POU6F2: variants seen among roughly 807,000 people sequenced by gnomAD.
POU6F2 encodes the protein POU class 6 homeobox 2.
POU6F2 carries 31 observed loss-of-function variants against 71.3 expected under a neutral mutation model. The observed-to-expected ratio is 0.43, with a 90% CI of 0.33 to 0.59. POU6F2 has a LOEUF of 0.59. Among genes scored for constraint, POU6F2 ranks in the 20% least tolerant of loss-of-function variants. The pLI, the probability that POU6F2 is intolerant of heterozygous loss-of-function variation, is 0.04. For missense variants in POU6F2, 783 were observed against 856.8 expected (o/e 0.91, Z 1.07); for synonymous variants, 347 against 355.7 (o/e 0.98, Z 0.27).
At chr7:39,096,180 A>T (rs1030135106) in intron 2 of POU6F2, among the ~76,000 whole-genome samples, 5 of 152,166 alleles carry the variant, frequency 3.3e-5, no homozygotes, top group African/African-American at 4.8e-5. Context: ...GGGCTTTTTA[A>T]AATACTTCCA....
intron 5 of POU6F2, among the ~76,000 whole-genome samples, chr7:39,399,866 AAAAAAGAAAG>A (rs1346455933): frequency 8.0e-6 from 1 of 124,410 alleles, no homozygotes; most frequent in Non-Finnish European, 1.7e-5. Context: ...GTAACAAAAA[AAAAAAGAAAG>A]AAAGAAAGAA....
chr7:39,354,978 A>C (rs566501721), intron 5 of POU6F2, among the ~76,000 whole-genome samples: 1 of 152,336 alleles, frequency 6.6e-6, no homozygotes, highest in African/African-American at 2.4e-5. Flanking sequence ...CCATTTATTC[A>C]TCACTGGGCC....
rs1785810456 is a variant in POU6F2 at position 39,337,710 on chromosome 7, A to T, written c.599-1932A>T. 2.0e-5 allele frequency among the ~76,000 whole-genome samples: 3 copies of T among 152,182 alleles called. 1 individual carries two copies. In the South Asian group the frequency reaches 6.2e-4, roughly 31 times the overall value. On this transcript the variant is annotated intron_variant, in intron 4 of 9. Transcript: ENST00000518318. ...TTTTTCAGACCCAAGTTACGTTCAT[A>T]TATGCCCCTCCTGCTTTCCTTTGCA...
At chr7:39,338,464 T>C (rs926259627) in intron 4 of POU6F2, among the ~76,000 whole-genome samples, 1 of 152,140 alleles carries the variant, frequency 6.6e-6, no homozygotes, top group African/African-American at 2.4e-5. Flanking sequence ...ACTGCTTGCA[T>C]AGACCTAGAG....
At chr7:39,389,762 T>C (rs1787026084) in intron 5 of POU6F2, among the ~76,000 whole-genome samples, 1 of 152,204 alleles carries the variant, frequency 6.6e-6, no homozygotes, top group Non-Finnish European at 1.5e-5. Context: ...GTTTAACAAT[T>C]ATATTAAGGC....
At chr7:39,427,003 ATTATC>A (rs1420794616) in intron 6 of POU6F2, among the ~76,000 whole-genome samples, 2 of 152,238 alleles carry the variant, frequency 1.3e-5, no homozygotes, top group African/African-American at 4.8e-5. Context: ...ATAATAAGTT[ATTATC>A]TTCTATTCAT....
chr7:39,227,262 CTTTTATTTTCCTT>C lies in POU6F2; in HGVS notation c.598+19647_598+19659del, dbSNP rs372167376. Among the ~76,000 whole-genome samples the C allele has an allele frequency of 6.5e-3, 995 of 152,148 alleles. 8 individuals are homozygous for C. The highest frequency in any genetic ancestry group is 0.023 in the African/African-American group (954 of 41,522). ...TAGGATAGATTGCTTAGAACGTCCTCTTTTATTTTCCTTTTTTTTTCCATCGAGTTTTGTTCTT... is the reference window on the plus strand; with the variant it reads ...TAGGATAGATTGCTTAGAACGTCCTCTTTTTTTCCATCGAGTTTTGTTCTT... On this transcript the variant is annotated intron_variant, in intron 4 of 9. Coordinates refer to ENST00000518318, the MANE Select transcript of POU6F2 (RefSeq NM_001370959.1).
At chr7:39,113,857 G>A (rs1318868635) in intron 2 of POU6F2, among the ~76,000 whole-genome samples, 3 of 152,142 alleles carry the variant, frequency 2.0e-5, no homozygotes, top group African/African-American at 7.2e-5. Flanking sequence ...GGTCACAAGG[G>A]CTGATGGGAG....
intron 1 of POU6F2, among the ~76,000 whole-genome samples, chr7:39,028,116 A>G (rs1789856376): frequency 6.6e-6 from 1 of 151,884 alleles, no homozygotes; most frequent in Admixed American, 6.6e-5. Context: ...TCATATATTT[A>G]TTTGACATTC....
At chr7:39,397,090 G>A (rs961000442) in intron 5 of POU6F2, among the ~76,000 whole-genome samples, 11 of 152,020 alleles carry the variant, frequency 7.2e-5, no homozygotes, top group African/African-American at 2.7e-4. Flanking sequence ...TTTGGCTGCT[G>A]AGTTTTTATG....
chr7:39,192,198 A>G (rs945166088), intron 2 of POU6F2, among the ~76,000 whole-genome samples: 1 of 152,222 alleles, frequency 6.6e-6, no homozygotes, highest in East Asian at 1.9e-4. Context: ...CTCTGGGGGT[A>G]GGTATTTCCT....
intron 2 of POU6F2, among the ~76,000 whole-genome samples, chr7:39,133,803 C>G (rs1792336569): frequency 1.3e-5 from 2 of 152,238 alleles, no homozygotes; most frequent in South Asian, 4.1e-4. Flanking sequence ...CCTGTGTAAG[C>G]TCTACATGGC....
At chr7:39,223,319 G>A (rs561647792) in intron 4 of POU6F2, among the ~76,000 whole-genome samples, 3 of 152,116 alleles carry the variant, frequency 2.0e-5, no homozygotes, top group East Asian at 1.9e-4. Context: ...TCATCATTAC[G>A]GTATTTATAT....
At chr7:39,029,489 T>TTG (rs1789889741) in intron 1 of POU6F2, among the ~76,000 whole-genome samples, 2 of 138,802 alleles carry the variant, frequency 1.4e-5, no homozygotes, top group Admixed American at 7.6e-5. Flanking sequence ...ATAACATTTC[T>TTG]GGGAGGGGGG....
At chr7:39,094,667 T>G (rs1354945696) in intron 2 of POU6F2, among the ~76,000 whole-genome samples, 1 of 152,138 alleles carries the variant, frequency 6.6e-6, no homozygotes, top group Non-Finnish European at 1.5e-5. Flanking sequence ...AAATTAATGA[T>G]TTGGGGTGAC....
At chr7:39,275,250 A>G (rs1199417256) in intron 4 of POU6F2, among the ~76,000 whole-genome samples, 1 of 150,870 alleles carries the variant, frequency 6.6e-6, no homozygotes, top group African/African-American at 2.4e-5. Context: ...ATTCTTACAC[A>G]CCAATAACAG....
intron 4 of POU6F2, among the ~76,000 whole-genome samples, chr7:39,223,543 T>C (rs552263594): frequency 1.3e-5 from 2 of 152,328 alleles, no homozygotes; most frequent in East Asian, 3.9e-4. Context: ...ATTTTCAAGT[T>C]GTGACTTGCT....
At chr7:39,048,482 G>A (rs1016001059) in intron 1 of POU6F2, among the ~76,000 whole-genome samples, 2 of 151,788 alleles carry the variant, frequency 1.3e-5, no homozygotes, top group East Asian at 1.9e-4. Context: ...AAGGACAATG[G>A]CCTCCAGCTC....
At chr7:39,356,219 T>G (rs1163131807) in intron 5 of POU6F2, among the ~76,000 whole-genome samples, 1 of 152,174 alleles carries the variant, frequency 6.6e-6, no homozygotes, top group African/African-American at 2.4e-5. Flanking sequence ...GCTGGCCTGT[T>G]TAGCCTGGAC....
Sources: gnomAD v4.1 joint callset for allele counts (sites outside exome capture counted in the v4.1 genomes callset) on GRCh38, gnomAD v4.1.1 for gene constraint, MANE v1.5 for transcripts, NCBI Gene and HGNC (gene_info 2026-07-23, HGNC 2026-07-21) for gene names.